DYNC2H1: variants seen among roughly 807,000 people sequenced by gnomAD.
The protein encoded by DYNC2H1 is dynein cytoplasmic 2 heavy chain 1.
DYNC2H1 carries 410 observed loss-of-function variants against 570.0 expected under a neutral mutation model. The ratio of observed to expected loss-of-function variants is 0.72; its 90% CI spans 0.66 to 0.78. DYNC2H1 has a LOEUF of 0.78. DYNC2H1 is among the 30% of genes least tolerant of loss of function. The pLI, the probability that DYNC2H1 is intolerant of heterozygous loss-of-function variation, is 0.00. For synonymous variants in DYNC2H1, 1,688 were observed against 1,677.6 expected (o/e 1.01, Z -0.15); for missense variants, 4,865 against 5,046.4 (o/e 0.96, Z 1.09).
intron 84 of DYNC2H1, among the ~76,000 whole-genome samples, chr11:103,418,779 G>T (rs533083941): frequency 6.6e-6 from 1 of 152,286 alleles, no homozygotes; most frequent in Non-Finnish European, 1.5e-5. Context: ...GTGAGTGATT[G>T]TTCGACCCCA....
intron 75 of DYNC2H1, among the ~76,000 whole-genome samples, chr11:103,293,948 G>A (rs182151102): frequency 2.2e-4 from 34 of 152,088 alleles, no homozygotes; most frequent in Non-Finnish European, 3.8e-4. Context: ...ATGGTGGCAG[G>A]CGCCTCTAAT....
chr11:103,264,644 C>T lies in DYNC2H1; in HGVS notation c.10695+4667C>T, dbSNP rs1591493955. On this transcript the variant is annotated intron_variant, in intron 70 of 88. Transcript: ENST00000375735. The surrounding 1 kb of genome is among the most constrained non-coding windows in gnomAD (Gnocchi z 4.8). ...AAGGCCTCCAATAAAATTCAACACA[C>T]CTTCATGCTGAAAACTTCATAAACT... 1.3e-5 allele frequency among the ~76,000 whole-genome samples: 2 copies of T among 152,314 alleles called. No individual in the cohort carries two copies. The highest frequency in any genetic ancestry group is 2.9e-5 in the Non-Finnish European group (2 of 68,014).
chr11:103,382,425 T>C (rs980904361), intron 83 of DYNC2H1, among the ~76,000 whole-genome samples: 2 of 152,190 alleles, frequency 1.3e-5, no homozygotes, highest in Non-Finnish European at 2.9e-5. Flanking sequence ...ATGCTAAAGT[T>C]AAATAAAATT....
At chr11:103,140,967 T>G (rs2134815168) in intron 17 of DYNC2H1, among the ~76,000 whole-genome samples, 3 of 152,278 alleles carry the variant, frequency 2.0e-5, no homozygotes, top group Middle Eastern at 6.8e-3. Context: ...CATCTTCCAT[T>G]GCTGGTACCC....
rs1419490118 is a variant in DYNC2H1, at chr11:103,280,904, T to G, written c.10761+491T>G. On this transcript the variant is annotated intron_variant, in intron 71 of 88. Transcript: ENST00000375735. The surrounding 1 kb of genome is among the most constrained non-coding windows in gnomAD (Gnocchi z 4.7). ...TTGTCTTCCTTGTTTATGATCTCATTTCTAGTCTGCCATGTAACCCCTTCT... is the reference window on the plus strand; with the variant it reads ...TTGTCTTCCTTGTTTATGATCTCATGTCTAGTCTGCCATGTAACCCCTTCT... 6.6e-6 allele frequency among the ~76,000 whole-genome samples: 1 copy of G among 152,102 alleles called. No individual in the cohort carries two copies. The highest frequency in any genetic ancestry group is 1.5e-5 in the Non-Finnish European group (1 of 67,966).
intron 87 of DYNC2H1, among the ~76,000 whole-genome samples, chr11:103,463,455 T>C (rs1265394722): frequency 1.3e-5 from 2 of 152,162 alleles, no homozygotes; most frequent in African/African-American, 4.8e-5. Context: ...AGAGACTGAA[T>C]AAAGCTGTTG....
chr11:103,468,546 G>T, intron 87 of DYNC2H1, 43 bp from the exon 88 acceptor site: 2 of 1,436,530 alleles, frequency 1.4e-6, no homozygotes, highest in African/African-American at 1.4e-5. Flanking sequence ...TGACATTTGC[G>T]ACTTTAATGC....
chr11:103,396,472 T>C (rs180755662), intron 83 of DYNC2H1, among the ~76,000 whole-genome samples: 1 of 152,206 alleles, frequency 6.6e-6, no homozygotes, highest in African/African-American at 2.4e-5. Flanking sequence ...CTTTTACGGA[T>C]GAACATGCTA....
intron 83 of DYNC2H1, among the ~76,000 whole-genome samples, chr11:103,390,185 A>G (rs1176689522): frequency 1.3e-5 from 2 of 152,092 alleles, no homozygotes; most frequent in East Asian, 1.9e-4. Flanking sequence ...GTGCTGCTGT[A>G]TTGGGTGCAT....
At chr11:103,138,455 T>C (rs1269527896) in intron 17 of DYNC2H1, among the ~76,000 whole-genome samples, 2 of 152,078 alleles carry the variant, frequency 1.3e-5, no homozygotes, top group African/African-American at 2.4e-5. Flanking sequence ...GCCTTTTCTG[T>C]ATCTATTGAG....
At chr11:103,159,823 C>T (rs953690116) in intron 28 of DYNC2H1, among the ~76,000 whole-genome samples, 3 of 152,034 alleles carry the variant, frequency 2.0e-5, no homozygotes, top group African/African-American at 7.2e-5. Context: ...CAAAATATAA[C>T]CCATGGGCCA....
rs1219279425 is a variant in DYNC2H1, at chr11:103,228,268, G to T, written c.9354-2992G>T. ...TGGGGGTGTTAAAGAACCTTGTTTT[G>T]TCATATTACCACAATTGTTTTTCTG... On this transcript the variant is annotated intron_variant, in intron 59 of 88. Coordinates refer to ENST00000375735, the MANE Select transcript of DYNC2H1 (RefSeq NM_001377.3). This position sits in a 1 kb window ranked among gnomAD's most constrained non-coding sequence, Gnocchi z 6.1. Among the ~76,000 whole-genome samples, 2 of 152,110 alleles carry T rather than the reference G, an allele frequency of 1.3e-5. No individual in the cohort carries two copies. The highest frequency in any genetic ancestry group is 2.9e-5 in the Non-Finnish European group (2 of 68,020).
chr11:103,139,194 T>G (rs1014786019), intron 17 of DYNC2H1, among the ~76,000 whole-genome samples: 6 of 152,202 alleles, frequency 3.9e-5, no homozygotes, highest in African/African-American at 1.4e-4. Flanking sequence ...TTTGAATGGT[T>G]TTTTGTGTCT....
In DYNC2H1 at chr11:103,327,786, G is replaced by T. The variant is rs538291134; in HGVS notation, c.12039+3796G>T. On this transcript the variant is annotated intron_variant, in intron 82 of 88. Coordinates refer to ENST00000375735, the MANE Select transcript of DYNC2H1 (RefSeq NM_001377.3). ...ATTGACAAGAGCCAAGGATGTGGGG[G>T]TCATCTTGGTACTGCGAAGCTGTAG... 2.6e-4 allele frequency among the ~76,000 whole-genome samples: 39 copies of T among 152,252 alleles called. No homozygotes were observed. In the South Asian group the frequency reaches 4.1e-3, roughly 16 times the overall value.
intron 59 of DYNC2H1, among the ~76,000 whole-genome samples, chr11:103,227,693 A>G (rs1293556615): frequency 6.6e-6 from 1 of 152,136 alleles, no homozygotes; most frequent in Non-Finnish European, 1.5e-5. Flanking sequence ...ATATCTGTTA[A>G]GTCCATTTGT....
At chr11:103,315,091 T>TTA (rs1428426473) in intron 79 of DYNC2H1, among the ~76,000 whole-genome samples, 5 of 150,998 alleles carry the variant, frequency 3.3e-5, no homozygotes, top group Admixed American at 6.6e-5. Flanking sequence ...ATCCACAATG[T>TTA]TCTTTTTTTA....
At chr11:103,295,927 C>T (rs1280314436) in intron 75 of DYNC2H1, among the ~76,000 whole-genome samples, 1 of 152,166 alleles carries the variant, frequency 6.6e-6, no homozygotes, top group Non-Finnish European at 1.5e-5. Context: ...AATCCTCCTG[C>T]TTTACTCCGA....
rs892499364 is a variant in DYNC2H1, at chr11:103,460,453, T to A, written c.12648+4097T>A. On this transcript the variant is annotated intron_variant, in intron 87 of 88. Transcript: ENST00000375735. The stretch of plus-strand genomic sequence containing the variant: ...GCACAACCAGAAAATCCCAAGCTTA[T>A]ATAATTGTTTTGTACATTGGGGCAG... Among the ~76,000 whole-genome samples the A allele has an allele frequency of 5.2e-5, 7 of 135,106 alleles. No homozygotes were observed. In the Admixed American group the frequency reaches 5.6e-4, roughly 11 times the overall value. 88.6% of individuals were successfully genotyped at this position (135,106 alleles called of 152,430 possible). A position where few individuals can be genotyped will look rare whatever the true frequency, so the allele number is the denominator to read the frequency against.
Position 103,409,374 on chromosome 11 carries a change from A to G in DYNC2H1, c.12366+9502A>G, listed in dbSNP as rs189143928. Among the ~76,000 whole-genome samples, 13 of 151,632 alleles carry G rather than the reference A, an allele frequency of 8.6e-5. No individual in the cohort carries two copies. In the East Asian group the frequency reaches 1.8e-3, roughly 20 times the overall value. On this transcript the variant is annotated intron_variant, in intron 84 of 88. Coordinates refer to ENST00000375735, the MANE Select transcript of DYNC2H1 (RefSeq NM_001377.3). ...TTCTATTAAGTAATAGATTAGTCCA[A>G]CGTAATGTTAGGAGTTCAGTAGAGT...
Sources: gnomAD v4.1 joint callset for allele counts (sites outside exome capture counted in the v4.1 genomes callset) on GRCh38, gnomAD v4.1.1 for gene constraint, Gnocchi (gnomAD v3.1) non-coding constraint, MANE v1.5 for transcripts, NCBI Gene and HGNC (gene_info 2026-07-23, HGNC 2026-07-21) for gene names.